The following GRID1 variants were observed in gnomAD, a reference collection of about 807,000 sequenced individuals.
The protein encoded by GRID1 is glutamate ionotropic receptor delta type subunit 1.
GRID1 carries 28 observed loss-of-function variants against 98.0 expected under a neutral mutation model. The ratio of observed to expected loss-of-function variants is 0.29; its 90% confidence interval spans 0.21 to 0.39. The LOEUF (loss-of-function observed/expected upper bound fraction) is 0.39, where lower values mean the gene tolerates loss of function less well. GRID1 is among the 10% of genes least tolerant of loss of function. The probability of loss-of-function intolerance (pLI) is 1.00; values close to 1 mark genes in which losing one functional copy is unlikely to be tolerated. For missense variants in GRID1, 1,111 were observed against 1,340.5 expected (o/e 0.83, Z 2.67); for synonymous variants, 553 against 538.5 (o/e 1.03, Z -0.37).
intron 2 of GRID1, among the ~76,000 whole-genome samples, chr10:86,342,742 C>T (rs996190964): frequency 6.6e-6 from 1 of 152,240 alleles, no homozygotes; most frequent in African/African-American, 2.4e-5. Flanking sequence ...TCCATGGCAG[C>T]ATACCCCTCA....
At chr10:85,978,614 G>GAAA (rs554042641) in intron 4 of GRID1, among the ~76,000 whole-genome samples, 3 of 146,302 alleles carry the variant, frequency 2.1e-5, no homozygotes, top group Non-Finnish European at 4.5e-5. Flanking sequence ...TACTTTAACA[G>GAAA]AAAAAAAAAA....
chr10:85,930,932 C>T (rs979375695), intron 4 of GRID1, among the ~76,000 whole-genome samples: 3 of 152,124 alleles, frequency 2.0e-5, no homozygotes, highest in South Asian at 4.1e-4. Flanking sequence ...GCCTTGACCT[C>T]CGGGATCAAG....
intron 15 of GRID1, among the ~76,000 whole-genome samples, chr10:85,605,113 C>A (rs1842641974): frequency 6.6e-6 from 1 of 152,318 alleles, no homozygotes; most frequent in East Asian, 1.9e-4. Flanking sequence ...GTGTTCTGGG[C>A]CTCCAGACAA....
At chr10:85,832,844 C>T (rs1400536392) in intron 8 of GRID1, among the ~76,000 whole-genome samples, 1 of 152,126 alleles carries the variant, frequency 6.6e-6, no homozygotes, top group Non-Finnish European at 1.5e-5. Flanking sequence ...ACCAAAAGGA[C>T]AATCAATCAG....
At chr10:86,225,572 C>T (rs890294775) in intron 2 of GRID1, among the ~76,000 whole-genome samples, 1 of 152,168 alleles carries the variant, frequency 6.6e-6, no homozygotes, top group Non-Finnish European at 1.5e-5. Context: ...AGGAGAGCTG[C>T]TAGCGTCCCA....
chr10:85,619,995 G>A lies in GRID1; in HGVS notation c.2232C>T (p.Ala744=), dbSNP rs777449280. ...KGNYAFLWDV[A]VVEYAALTDD... ...CCGTCAGGGCTGCGTATTCCACCAC[G>A]GCCACATCCCACAGGAAGGCGTAGT... is the stretch of plus-strand genomic sequence containing the variant. Residue 744 remains alanine (A), a synonymous_variant, in exon 14 of 16, where the codon GCC becomes GCT. Coordinates refer to ENST00000327946, the MANE Select transcript of GRID1 (RefSeq NM_017551.3). 5.6e-6 allele frequency: 9 copies of A among 1,614,010 alleles called. No individual in the cohort carries two copies. Among genetic ancestry groups the A allele is most frequent in the South Asian group, 2.2e-5 (2 of 91,080 alleles).
At chr10:85,809,491 CA>C (rs987201205) in intron 8 of GRID1, among the ~76,000 whole-genome samples, 2 of 151,988 alleles carry the variant, frequency 1.3e-5, no homozygotes, top group Non-Finnish European at 2.9e-5. Context: ...AGCAGCTAGA[CA>C]AAAAAGTATG....
chr10:85,708,698 C>T (rs1307474986), intron 12 of GRID1: 1 of 152,096 alleles, frequency 6.6e-6, no homozygotes, highest in Non-Finnish European at 1.5e-5. Flanking sequence ...AGCATGTGCC[C>T]AATTCAGTGT....
intron 8 of GRID1, among the ~76,000 whole-genome samples, chr10:85,840,589 C>A (rs1207576911): frequency 6.6e-6 from 1 of 152,134 alleles, no homozygotes; most frequent in Non-Finnish European, 1.5e-5. Context: ...TAGAAAACCA[C>A]ATAGACTCTG....
At chr10:86,036,669 G>A (rs931475542) in intron 4 of GRID1, among the ~76,000 whole-genome samples, 2 of 152,194 alleles carry the variant, frequency 1.3e-5, no homozygotes, top group African/African-American at 4.8e-5. Context: ...ACTGCAGCAC[G>A]GTGAGAGTGT....
intron 8 of GRID1, among the ~76,000 whole-genome samples, chr10:85,741,815 G>A (rs528084649): frequency 4.6e-5 from 7 of 150,842 alleles, no homozygotes; most frequent in South Asian, 2.1e-4. Flanking sequence ...TTTCTACCTC[G>A]CTCACTACAC....
At chr10:85,903,981 G>A (rs1289935927) in intron 5 of GRID1, among the ~76,000 whole-genome samples, 1 of 152,156 alleles carries the variant, frequency 6.6e-6, no homozygotes, top group East Asian at 1.9e-4. Context: ...GGCACCCTAT[G>A]TAAAGTAGAA....
intron 2 of GRID1, among the ~76,000 whole-genome samples, chr10:86,323,953 C>A (rs570736775): frequency 2.0e-5 from 3 of 152,056 alleles, no homozygotes; most frequent in African/African-American, 7.2e-5. Context: ...CCAAGGTGGG[C>A]GAGTCACTTG....
At chr10:85,948,624 G>A (rs1842081051) in intron 4 of GRID1, among the ~76,000 whole-genome samples, 1 of 152,210 alleles carries the variant, frequency 6.6e-6, no homozygotes, top group Admixed American at 6.5e-5. Flanking sequence ...GTATGGGGCT[G>A]TAAATTGACA....
chr10:85,918,869 G>C (rs563701852), intron 4 of GRID1, among the ~76,000 whole-genome samples: 4 of 152,336 alleles, frequency 2.6e-5, no homozygotes, highest in African/African-American at 9.6e-5. Context: ...GACCATTTGT[G>C]AGAGGTAAAG....
intron 5 of GRID1, among the ~76,000 whole-genome samples, chr10:85,894,800 G>C (rs947275677): frequency 2.6e-5 from 4 of 151,732 alleles, no homozygotes; most frequent in Non-Finnish European, 4.4e-5. Context: ...TTGAGGTCAA[G>C]AGTTCAAGAC....
chr10:85,843,594 A>G (rs1842980134), intron 8 of GRID1, among the ~76,000 whole-genome samples: 1 of 152,098 alleles, frequency 6.6e-6, no homozygotes, highest in Non-Finnish European at 1.5e-5. Context: ...CAACAGTACA[A>G]TATAAGCAAT....
intron 4 of GRID1, among the ~76,000 whole-genome samples, chr10:86,124,445 A>G (rs138451282): frequency 2.1e-3 from 313 of 152,262 alleles, no homozygotes; most frequent in African/African-American, 6.9e-3. Context: ...TCTCTGCAGC[A>G]GATCTTGTTT....
At chr10:85,925,451 G>T (rs912502677) in intron 4 of GRID1, among the ~76,000 whole-genome samples, 1 of 152,210 alleles carries the variant, frequency 6.6e-6, no homozygotes, top group African/African-American at 2.4e-5. Context: ...TGTGCACTGT[G>T]AACAATCTCA....
Sources: allele counts gnomAD v4.1 joint callset (sites outside exome capture counted in the v4.1 genomes callset), GRCh38; gene constraint gnomAD v4.1.1; transcripts MANE v1.5; gene names NCBI Gene and HGNC (gene_info 2026-07-23, HGNC 2026-07-21).